Variants in SPAG1 observed in about 807,000 individuals in gnomAD.
The protein encoded by SPAG1 is sperm associated antigen 1.
A neutral mutation model predicts 100.5 loss-of-function variants in SPAG1; 69 were observed. That is an observed-to-expected ratio of 0.69 (90% confidence interval 0.57 to 0.84). The LOEUF (loss-of-function observed/expected upper bound fraction) is 0.84. SPAG1 is among the 40% of genes least tolerant of loss of function. The pLI, the probability that SPAG1 is intolerant of heterozygous loss-of-function variation, is 0.00. For synonymous variants in SPAG1, 336 were observed against 411.6 expected (o/e 0.82, Z 2.22); for missense variants, 955 against 1,133.1 (o/e 0.84, Z 2.26).
Position 100,239,374 on chromosome 8 carries a change from A to G in SPAG1, c.2250A>G (p.Glu750=). 6.2e-7 allele frequency: 1 copy of G among 1,606,552 alleles called. No individual in the cohort carries two copies. Residue 750 remains glutamate (E), a synonymous_variant, in exon 17 of 19, where the codon GAA becomes GAG. Coordinates refer to ENST00000388798, the MANE Select transcript of SPAG1 (RefSeq NM_003114.5). This position sits in a 1 kb window ranked among gnomAD's most constrained non-coding sequence, Gnocchi z 5.0. The part of the protein sequence containing the change: ...LKDKTAPFNK[E]KERRKIEIQE... ...ATAAGACAGCACCATTCAACAAAGA[A>G]AAGGAGAGAAGGAAAATTGAGATTC...
chr8:100,164,376 A>T (rs1815450383), intron 2 of SPAG1, among the ~76,000 whole-genome samples: 1 of 152,232 alleles, frequency 6.6e-6, no homozygotes, highest in Non-Finnish European at 1.5e-5. Context: ...ACTGAAATTT[A>T]TATGATACAT....
At position 100,165,798 on chromosome 8, in the gene SPAG1, T is replaced by C. The variant is rs560336102; in HGVS notation, c.141-16T>C. 38 of 1,602,330 alleles carry C rather than the reference T, an allele frequency of 2.4e-5. No homozygotes were observed. The highest frequency in any genetic ancestry group is 2.3e-4 in the Admixed American group (13 of 57,318). On this transcript the variant is annotated splice_polypyrimidine_tract_variant and intron_variant, in intron 2 of 18. Transcript: ENST00000388798. ...AATAAGGTGCTAACTCTAAAACTTATTTATTTCTTTTTAAGATCTGGTGAG... is the reference window on the plus strand; with the variant it reads ...AATAAGGTGCTAACTCTAAAACTTACTTATTTCTTTTTAAGATCTGGTGAG...
At chr8:100,158,396 G>A (rs900875144), upstream of SPAG1, 1 of 152,292 alleles carries the variant, frequency 6.6e-6, no homozygotes, top group South Asian at 2.1e-4. Context: ...CAGGGGCTGG[G>A]GAGCAATCTG....
intron 12 of SPAG1, among the ~76,000 whole-genome samples, 159 bp downstream of exon 12, chr8:100,214,077 G>A (rs531191451): frequency 8.5e-5 from 13 of 152,134 alleles, no homozygotes; most frequent in Non-Finnish European, 1.3e-4. Flanking sequence ...ATTATCTTAC[G>A]TATATGAAGA....
rs183859862 is a variant in SPAG1 at position 100,165,288 on chromosome 8, C to T, written c.141-526C>T. ...GAACCATGTTTTAGAAAAACATTTC[C>T]AGCAGGTCTGTGCAGGATTTTTTCC... On this transcript the variant is annotated intron_variant, in intron 2 of 18. Transcript: ENST00000388798. The T allele has an allele frequency of 5.1e-4, 265 of 521,000 alleles. 1 individual carries two copies. Among genetic ancestry groups the T allele is most frequent in the African/African-American group, 4.7e-3 (242 of 51,460 alleles). The allele number at this position is 521,000 out of a possible 1,614,324, so 32.3% of individuals were successfully genotyped here. A position where few individuals can be genotyped will look rare whatever the true frequency, so the allele number is the denominator to read the frequency against.
At position 100,213,016 on chromosome 8, in the gene SPAG1, G is replaced by A; in HGVS notation, c.1097-74G>A. Reference sequence around the variant, plus strand: ...CCCGCCCTCCGCGTCCTGCACCCCCGCGGCCTCCGCGGCCTCCGCGGCAAC... The same window carrying A: ...CCCGCCCTCCGCGTCCTGCACCCCCACGGCCTCCGCGGCCTCCGCGGCAAC... On this transcript the variant is annotated intron_variant, in intron 10 of 18. Transcript: ENST00000388798. 3 of 1,225,158 alleles carry A rather than the reference G, an allele frequency of 2.4e-6. No homozygotes were observed. In the African/African-American group the frequency reaches 5.8e-5, roughly 24 times the overall value. 75.9% of individuals were successfully genotyped at this position (1,225,158 alleles called of 1,614,324 possible).
chr8:100,163,616 C>G (rs746696151), intron 2 of SPAG1, among the ~76,000 whole-genome samples: 1 of 152,114 alleles, frequency 6.6e-6, no homozygotes, highest in Non-Finnish European at 1.5e-5. Context: ...ATTCCTATTA[C>G]CCTGTGGTGG....
chr8:100,203,400 A>C (rs1378340826), intron 10 of SPAG1, among the ~76,000 whole-genome samples: 1 of 152,120 alleles, frequency 6.6e-6, no homozygotes, highest in Non-Finnish European at 1.5e-5. Context: ...TAGTACCCGG[A>C]GTGGTTCCAG....
intron 4 of SPAG1, among the ~76,000 whole-genome samples, chr8:100,178,957 T>C (rs1459170179): frequency 6.8e-6 from 1 of 146,884 alleles, no homozygotes; most frequent in Admixed American, 6.8e-5. Flanking sequence ...TAGCCAGGCA[T>C]AGTGGCATGT....
At chr8:100,232,096 TA>T (rs1321534324) in intron 15 of SPAG1, among the ~76,000 whole-genome samples, 1 of 152,140 alleles carries the variant, frequency 6.6e-6, no homozygotes, top group East Asian at 1.9e-4. Flanking sequence ...TACCACGTAG[TA>T]AAAGATACCT....
chr8:100,240,437 C>CAGGGG lies in SPAG1; in HGVS notation c.2319_2323dup (p.Val775GlyfsTer28). ...GGCAAGGAGGAGCCTGGAAGACCTG[C>CAGGGG]AGGGGAGGTCTCCATGGGATGCCTT... On this transcript the variant is annotated frameshift_variant, in exon 18 of 19. Transcript: ENST00000388798. LOFTEE classifies it high-confidence loss of function. The CAGGGG allele has an allele frequency of 6.2e-7, 1 of 1,610,982 alleles. No individual in the cohort carries two copies. The highest frequency in any genetic ancestry group is 2.2e-5 in the East Asian group (1 of 44,864).
chr8:100,177,528 A>G (rs1736495978), intron 3 of SPAG1, among the ~76,000 whole-genome samples: 1 of 151,958 alleles, frequency 6.6e-6, no homozygotes, highest in South Asian at 2.1e-4. Context: ...ACTTGTGTAT[A>G]CTTTATGGTA....
intron 16 of SPAG1, among the ~76,000 whole-genome samples, chr8:100,235,707 T>C (rs1427416483): frequency 6.6e-6 from 1 of 152,026 alleles, no homozygotes; most frequent in African/African-American, 2.4e-5. Flanking sequence ...CTTTTCCAGA[T>C]TGTAGATCCA....
intron 10 of SPAG1, among the ~76,000 whole-genome samples, chr8:100,204,702 G>A (rs1817432264): frequency 6.6e-6 from 1 of 152,162 alleles, no homozygotes. Context: ...TCCCAGCTGG[G>A]AGGGTCCAGA....
At chr8:100,168,699 G>GT (rs1199690445) in intron 3 of SPAG1, among the ~76,000 whole-genome samples, 2 of 107,214 alleles carry the variant, frequency 1.9e-5, no homozygotes, top group African/African-American at 3.9e-5. Context: ...TTTTTTTTTT[G>GT]TTGTTGAGAC....
intron 4 of SPAG1, among the ~76,000 whole-genome samples, chr8:100,182,661 A>C (rs1028473991): frequency 6.6e-6 from 1 of 152,200 alleles, no homozygotes; most frequent in African/African-American, 2.4e-5. Context: ...ATTCCAAATC[A>C]GATTACTATC....
At chr8:100,174,762 A>C (rs1015813178) in intron 3 of SPAG1, among the ~76,000 whole-genome samples, 1 of 152,204 alleles carries the variant, frequency 6.6e-6, no homozygotes, top group Non-Finnish European at 1.5e-5. Flanking sequence ...ACTTACCTTC[A>C]TGAAGTCATC....
At chr8:100,194,516 T>G in intron 10 of SPAG1, 1 of 580,246 alleles carries the variant, frequency 1.7e-6, no homozygotes, top group Non-Finnish European at 3.0e-6. Flanking sequence ...CACCTTTAAA[T>G]GTAAATGGCT....
At chr8:100,167,823 G>C (rs1326698157) in intron 3 of SPAG1, among the ~76,000 whole-genome samples, 1 of 152,210 alleles carries the variant, frequency 6.6e-6, no homozygotes, top group African/African-American at 2.4e-5. Flanking sequence ...TGTGGTCAGT[G>C]TAGACCCCAC....
Sources: allele counts gnomAD v4.1 joint callset (sites outside exome capture counted in the v4.1 genomes callset), GRCh38; gene constraint gnomAD v4.1.1; non-coding constraint Gnocchi (gnomAD v3.1); transcripts MANE v1.5; gene names NCBI Gene and HGNC (gene_info 2026-07-23, HGNC 2026-07-21).